PEAK1: variants seen among roughly 807,000 people sequenced by gnomAD.
PEAK1 encodes pseudopodium enriched atypical kinase 1.
Under a neutral mutation model 124.7 loss-of-function variants are expected in PEAK1, and 54 were observed. That is an observed-to-expected ratio of 0.43 (90% confidence interval 0.35 to 0.54). The LOEUF is 0.54. Ranked by LOEUF, PEAK1 falls within the 20% of genes least tolerant of loss-of-function variation. The pLI is 0.01. For synonymous variants in PEAK1, 719 were observed against 760.0 expected, an observed-to-expected ratio of 0.95 and a Z score of 0.89; for missense variants, 2,046 against 2,134.5, an observed-to-expected ratio of 0.96 and a Z score of 0.82.
intron 8 of PEAK1, among the ~76,000 whole-genome samples, chr15:77,152,364 C>G (rs774248234): frequency 2.6e-4 from 40 of 152,082 alleles, no homozygotes; most frequent in Non-Finnish European, 5.1e-4. Flanking sequence ...GCTGAAGTTG[C>G]TTATCAGCTT....
intron 2 of PEAK1, among the ~76,000 whole-genome samples, chr15:77,364,813 T>G (rs2068113363): frequency 6.6e-6 from 1 of 152,250 alleles, no homozygotes; most frequent in African/African-American, 2.4e-5. Context: ...TAGCAGTTGT[T>G]TTAATCTATG....
chr15:77,415,990 T>C (rs1364884572), intron 1 of PEAK1, among the ~76,000 whole-genome samples: 1 of 152,164 alleles, frequency 6.6e-6, no homozygotes, highest in Non-Finnish European at 1.5e-5. Context: ...CCCCTCTCAA[T>C]TAGCTACACT....
chr15:77,352,196 G>C, intron 2 of PEAK1: 1 of 985,212 alleles, frequency 1.0e-6, no homozygotes, highest in South Asian at 4.7e-5. Context: ...GGGTGACAGA[G>C]CAAACCCTGT....
intron 7 of PEAK1, among the ~76,000 whole-genome samples, chr15:77,166,155 A>C (rs1197963348): frequency 6.6e-6 from 1 of 152,162 alleles, no homozygotes; most frequent in East Asian, 1.9e-4. Context: ...TTCCAAAAAA[A>C]TTTTCCTTAA....
At chr15:77,267,818 A>G (rs188106396) in intron 5 of PEAK1, among the ~76,000 whole-genome samples, 1 of 152,130 alleles carries the variant, frequency 6.6e-6, no homozygotes, top group Non-Finnish European at 1.5e-5. Context: ...TAACACCCCC[A>G]AAAAATCACA....
rs778257552 is a variant in PEAK1 at position 77,330,212 on chromosome 15, T to A, written c.-603+34951A>T. Among the ~76,000 whole-genome samples, 14 of 152,284 alleles carry A rather than the reference T, an allele frequency of 9.2e-5. No individual in the cohort carries two copies. The South Asian group carries it at 2.9e-3, about 32-fold the overall frequency. On this transcript the variant is annotated intron_variant, in intron 2 of 9. Coordinates refer to ENST00000682557, the MANE Select transcript of PEAK1 (RefSeq NM_001385026.1). ...GAGATTAACTATTGACATGTTGATGTACGTATTTCATTATTTCTTTTAACA... is the reference window on the plus strand; with the variant it reads ...GAGATTAACTATTGACATGTTGATGAACGTATTTCATTATTTCTTTTAACA...
intron 6 of PEAK1, among the ~76,000 whole-genome samples, chr15:77,222,586 C>T (rs2059437574): frequency 6.6e-6 from 1 of 151,974 alleles, no homozygotes; most frequent in Non-Finnish European, 1.5e-5. Flanking sequence ...ACACTCCTTT[C>T]ACATAATGAT....
intron 6 of PEAK1, among the ~76,000 whole-genome samples, chr15:77,206,871 A>T (rs1454008671): frequency 2.0e-5 from 3 of 152,194 alleles, no homozygotes; most frequent in Non-Finnish European, 2.9e-5. Flanking sequence ...ACTATACTAC[A>T]AGGCTACAGT....
intron 6 of PEAK1, among the ~76,000 whole-genome samples, chr15:77,189,946 G>A (rs188666816): frequency 6.6e-6 from 1 of 152,278 alleles, no homozygotes; most frequent in East Asian, 1.9e-4. Flanking sequence ...ATTCAAATAA[G>A]AGAAGGTGGG....
At chr15:77,221,228 T>C (rs2059377079) in intron 6 of PEAK1, among the ~76,000 whole-genome samples, 1 of 152,104 alleles carries the variant, frequency 6.6e-6, no homozygotes. Flanking sequence ...TTTTAACATC[T>C]ATCACGTGGT....
Position 77,143,590 on chromosome 15 carries a change from T to C in PEAK1, c.3332-9840A>G, listed in dbSNP as rs547965816. Among the ~76,000 whole-genome samples, 7 of 152,358 alleles carry C rather than the reference T, an allele frequency of 4.6e-5. No homozygotes were observed. The East Asian group carries it at 1.2e-3, about 25-fold the overall frequency. On this transcript the variant is annotated intron_variant, in intron 8 of 9. Transcript: ENST00000682557. Reference sequence around the variant, plus strand: ...ACTACTTGCGGTTTCTCCAGCACTCTTGGCCAATTTTACGCTTCCTTTGTG... The same window carrying C: ...ACTACTTGCGGTTTCTCCAGCACTCCTGGCCAATTTTACGCTTCCTTTGTG...
At chr15:77,190,688 A>G (rs1455975656) in intron 6 of PEAK1, among the ~76,000 whole-genome samples, 1 of 152,224 alleles carries the variant, frequency 6.6e-6, no homozygotes, top group Non-Finnish European at 1.5e-5. Context: ...TATGTAGATG[A>G]TACAGTTCTA....
chr15:77,128,199 A>G (rs989451786), intron 9 of PEAK1, among the ~76,000 whole-genome samples: 58 of 152,222 alleles, frequency 3.8e-4, no homozygotes, highest in African/African-American at 1.3e-3. Context: ...TCTCAGCACA[A>G]GTCAGGGATA....
chr15:77,242,460 T>C (rs2060401194), intron 6 of PEAK1, among the ~76,000 whole-genome samples: 1 of 152,218 alleles, frequency 6.6e-6, no homozygotes, highest in South Asian at 2.1e-4. Flanking sequence ...AATAAGACAT[T>C]AAGCCTCTAG....
intron 6 of PEAK1, among the ~76,000 whole-genome samples, chr15:77,185,961 C>T (rs1032818878): frequency 6.6e-6 from 1 of 152,138 alleles, no homozygotes; most frequent in African/African-American, 2.4e-5. Flanking sequence ...ATAAGAAAGA[C>T]CCAGAACTGG....
At chr15:77,370,602 C>A in intron 1 of PEAK1, 1 of 740,226 alleles carries the variant, frequency 1.4e-6, no homozygotes, top group Non-Finnish European at 1.6e-6. Context: ...CCCTCAATTT[C>A]TAAAGTCCCT....
chr15:77,344,670 A>G (rs761761556), intron 2 of PEAK1, among the ~76,000 whole-genome samples: 1 of 152,238 alleles, frequency 6.6e-6, no homozygotes, highest in Non-Finnish European at 1.5e-5. Context: ...CATCTTAACA[A>G]CAGTGTCTTC....
At chr15:77,231,758 C>CT (rs1411103311) in intron 6 of PEAK1, among the ~76,000 whole-genome samples, 1 of 152,070 alleles carries the variant, frequency 6.6e-6, no homozygotes, top group African/African-American at 2.4e-5. Flanking sequence ...AATGCAACAG[C>CT]TGTTCATCTA....
intron 5 of PEAK1, among the ~76,000 whole-genome samples, chr15:77,263,332 G>C (rs996418665): frequency 2.0e-5 from 3 of 152,066 alleles, no homozygotes; most frequent in African/African-American, 7.2e-5. Context: ...TTTTTGAAAA[G>C]ATCAACAAAA....
Sources: gnomAD v4.1 joint callset for allele counts (sites outside exome capture counted in the v4.1 genomes callset) on GRCh38, gnomAD v4.1.1 for gene constraint, MANE v1.5 for transcripts, NCBI Gene and HGNC (gene_info 2026-07-23, HGNC 2026-07-21) for gene names.